Variants in CRISP1 observed in about 807,000 individuals in gnomAD.
CRISP1 encodes the protein cysteine rich secretory protein 1, also known as cysteine-rich secretory protein 1.
A neutral mutation model predicts 33.1 loss-of-function variants in CRISP1; 44 were observed. The observed-to-expected ratio is 1.33, with a 90% CI of 1.05 to 1.71. The LOEUF is 1.71. Ranked by LOEUF, CRISP1 falls within the 40% of genes most tolerant of loss-of-function variation. The probability of loss-of-function intolerance (pLI) is 0.00; values close to 1 mark genes in which losing one functional copy is unlikely to be tolerated. For missense variants in CRISP1, 390 were observed against 301.2 expected, an observed-to-expected ratio of 1.29 and a Z score of -2.18; for synonymous variants, 103 against 98.7, an observed-to-expected ratio of 1.04 and a Z score of -0.26.
rs1582267496 is a variant in CRISP1 at position 49,848,259 on chromosome 6, G to A, written c.236C>T (p.Ser79Leu). The A allele has an allele frequency of 6.2e-7, 1 of 1,600,190 alleles. No homozygotes were observed. Residue 79 changes from serine (S) to leucine (L), a missense_variant, in exon 4 of 8, where the codon TCA becomes TTA. Ser to Leu is a moderately radical substitution (Grantham distance 145). Transcript: ENST00000335847. ...GCTCTCTGTCATATCACAATACTTTGAAAAAATTCTGGCATTTTGTGCAGC... is the reference window on the plus strand; with the variant it reads ...GCTCTCTGTCATATCACAATACTTTAAAAAAATTCTGGCATTTTGTGCAGC... ...EEAAQNARIF[S>L]KYCDMTESNP...
In CRISP1 at chr6:49,863,531, A is replaced by G. The variant is rs114123455; in HGVS notation, c.-3+2898T>C. ...AAGCCAATACTCTTAAAATATTTCC[A>G]GATAATAATACCAGCAACTTGATAC... On this transcript the variant is annotated intron_variant, in intron 1 of 7. Coordinates refer to ENST00000335847, the MANE Select transcript of CRISP1 (RefSeq NM_001131.3). Among the ~76,000 whole-genome samples the G allele has an allele frequency of 2.9e-3, 446 of 152,372 alleles. 6 individuals carry two copies. Among genetic ancestry groups the G allele is most frequent in the African/African-American group, 9.9e-3 (412 of 41,602 alleles).
intron 4 of CRISP1, among the ~76,000 whole-genome samples, chr6:49,847,351 G>A (rs1045167216): frequency 3.9e-5 from 6 of 152,152 alleles, no homozygotes; most frequent in Admixed American, 6.5e-5. Flanking sequence ...GGGCCTGACC[G>A]GAGACGTTTA....
intron 3 of CRISP1, 44 bp downstream of exon 3, chr6:49,851,957 T>C (rs763401642): frequency 1.9e-6 from 3 of 1,578,332 alleles, no homozygotes; most frequent in East Asian, 4.5e-5. Context: ...GTAAACACCA[T>C]TACTATTATT....
At chr6:49,862,376 CT>C (rs1190994640) in intron 1 of CRISP1, among the ~76,000 whole-genome samples, 3 of 146,500 alleles carry the variant, frequency 2.0e-5, no homozygotes, top group African/African-American at 7.5e-5. Context: ...TAGAAGACTT[CT>C]GAAAATACAT....
At chr6:49,866,166 A>G (rs1439525133) in intron 1 of CRISP1, among the ~76,000 whole-genome samples, 1 of 152,088 alleles carries the variant, frequency 6.6e-6, no homozygotes, top group Admixed American at 6.6e-5. Flanking sequence ...CCTACGTGAA[A>G]AAATGTTTCT....
rs143504230 is a variant in CRISP1, at chr6:49,840,967, C to A, written c.464G>T (p.Gly155Val). The A allele has an allele frequency of 1.2e-6, 2 of 1,613,702 alleles. No individual in the cohort carries two copies. Among genetic ancestry groups the A allele is most frequent in the African/African-American group, 1.3e-5 (1 of 74,894 alleles). The change falls in exon 6 of 8, where the codon GGC becomes GTC. Residue 155 changes from glycine to valine, a missense_variant. By Grantham distance (109) the Gly-to-Val change is moderately radical. Transcript: ENST00000335847. Reference protein sequence around the residue: ...QIVWATSYLIGCAIASCRQQG... With the variant: ...QIVWATSYLIVCAIASCRQQG... ...TTGGCGGCAAGATGCAATGGCACAG[C>A]CAATCAGGTAAGATGTGGCCCAAAC...
Position 49,840,928 on chromosome 6 carries a change from C to A in CRISP1, c.503G>T (p.Arg168Leu). ...ACAATAGTGACAAACGTAGAGATAT[C>A]GAGGTGATCCTTGTTGGCGGCAAGA... ...IASCRQQGSP[R>L]YLYVCHYCHE... The change falls in exon 6 of 8, where the codon CGA becomes CTA. Residue 168 changes from arginine (R) to leucine (L), a missense_variant. Transcript: ENST00000335847. 6.2e-7 allele frequency: 1 copy of A among 1,613,684 alleles called. No individual in the cohort carries two copies. The highest frequency in any genetic ancestry group is 8.5e-7 in the Non-Finnish European group (1 of 1,179,764).
Position 49,835,172 on chromosome 6 carries a change from G to A in CRISP1, c.*144C>T, listed in dbSNP as rs573580018. 1.3e-6 allele frequency: 1 copy of A among 772,930 alleles called. No homozygotes were observed. Among genetic ancestry groups the A allele is most frequent in the Admixed American group, 2.7e-5 (1 of 37,632 alleles). The allele number at this position is 772,930 out of a possible 1,614,324, so 47.9% of individuals were successfully genotyped here. A position where few individuals can be genotyped will look rare whatever the true frequency, so the allele number is the denominator to read the frequency against. ...GTTTAAAACAGTGTTACTTCAGGATGTATCAGGATGGGAGTTAAGGTCTCC... is the reference window on the plus strand; with the variant it reads ...GTTTAAAACAGTGTTACTTCAGGATATATCAGGATGGGAGTTAAGGTCTCC... On this transcript the variant is annotated 3_prime_UTR_variant, in exon 8 of 8. Transcript: ENST00000335847.
At chr6:49,876,266 A>G (rs2127480785) in intron 1 of CRISP1, among the ~76,000 whole-genome samples, 1 of 152,236 alleles carries the variant, frequency 6.6e-6, no homozygotes, top group South Asian at 2.1e-4. Flanking sequence ...ACATTCGTGC[A>G]GGCAACAACA....
chr6:49,837,934 G>T (rs547932973), intron 7 of CRISP1, among the ~76,000 whole-genome samples: 1 of 151,638 alleles, frequency 6.6e-6, no homozygotes, highest in South Asian at 2.1e-4. Flanking sequence ...GGAATAATGT[G>T]AGCATCAGCT....
At chr6:49,856,289 T>A (rs1771495695) in intron 2 of CRISP1, among the ~76,000 whole-genome samples, 1 of 152,194 alleles carries the variant, frequency 6.6e-6, no homozygotes, top group Admixed American at 6.5e-5. Context: ...TTTCTGACTG[T>A]TTGCCCTTTT....
chr6:49,864,084 A>G (rs1771731179), intron 1 of CRISP1, among the ~76,000 whole-genome samples: 1 of 152,150 alleles, frequency 6.6e-6, no homozygotes, highest in Non-Finnish European at 1.5e-5. Flanking sequence ...AGTAAAACCT[A>G]TCTTGATATA....
chr6:49,839,993 C>T (rs890780278), intron 6 of CRISP1, among the ~76,000 whole-genome samples: 9 of 152,102 alleles, frequency 5.9e-5, no homozygotes, highest in Non-Finnish European at 1.2e-4. Flanking sequence ...ACATGGGAGG[C>T]AGTGGTTAAG....
At chr6:49,845,449 T>C (rs2127471709) in intron 5 of CRISP1, among the ~76,000 whole-genome samples, 1 of 152,356 alleles carries the variant, frequency 6.6e-6, no homozygotes, top group East Asian at 1.9e-4. Flanking sequence ...AGCTGTGGTA[T>C]TTTGTTATGG....
At chr6:49,862,656 A>G (rs1361830428) in intron 1 of CRISP1, among the ~76,000 whole-genome samples, 7 of 152,132 alleles carry the variant, frequency 4.6e-5, no homozygotes, top group Non-Finnish European at 8.8e-5. Flanking sequence ...GCATGTTGGC[A>G]TATCCAATGA....
intron 1 of CRISP1, among the ~76,000 whole-genome samples, chr6:49,864,018 T>A (rs2127477865): frequency 6.6e-6 from 1 of 152,312 alleles, no homozygotes; most frequent in South Asian, 2.1e-4. Context: ...AATATATAGA[T>A]GATTTCCAAC....
At chr6:49,850,065 A>G (rs1390358123) in intron 3 of CRISP1, among the ~76,000 whole-genome samples, 3 of 128,000 alleles carry the variant, frequency 2.3e-5, no homozygotes, top group Non-Finnish European at 4.7e-5. Context: ...ACATGGACAC[A>G]GGAAGGGGAA....
rs1424611708 is a variant in CRISP1, at chr6:49,840,984, G to A, written c.447C>T (p.Ala149=). ...TGGCACAGCCAATCAGGTAAGATGT[G>A]GCCCAAACAATCTGCAATGATAAAG... ...TTDHYTQIVW[A]TSYLIGCAIA... Residue 149 remains alanine, a synonymous_variant, in exon 6 of 8, where the codon GCC becomes GCT. Coordinates refer to ENST00000335847, the MANE Select transcript of CRISP1 (RefSeq NM_001131.3). 1 of 1,613,280 alleles carries A rather than the reference G, an allele frequency of 6.2e-7. No individual in the cohort carries two copies. The highest frequency in any genetic ancestry group is 2.2e-5 in the East Asian group (1 of 44,880).
intron 1 of CRISP1, among the ~76,000 whole-genome samples, chr6:49,871,734 A>G (rs1245611303): frequency 1.3e-5 from 2 of 151,718 alleles, no homozygotes; most frequent in Non-Finnish European, 2.9e-5. Context: ...TGAACTTATC[A>G]TTTTTTATAG....
Sources: gnomAD v4.1 joint callset for allele counts (sites outside exome capture counted in the v4.1 genomes callset) on GRCh38, gnomAD v4.1.1 for gene constraint, MANE v1.5 for transcripts, NCBI Gene and HGNC (gene_info 2026-07-23, HGNC 2026-07-21) for gene names.